The following COL6A5 variants were observed in gnomAD, a reference collection of about 807,000 sequenced individuals.
COL6A5 encodes collagen type VI alpha 5 chain.
A neutral mutation model predicts 65.6 loss-of-function variants in COL6A5; 48 were observed. The observed-to-expected ratio is 0.73, with a 90% CI of 0.58 to 0.93. The LOEUF (loss-of-function observed/expected upper bound fraction) is 0.93, where lower values mean the gene tolerates loss of function less well. Among genes scored for constraint, COL6A5 ranks in the 40% least tolerant of loss-of-function variants. The probability of loss-of-function intolerance (pLI) is 0.00; values close to 1 mark genes in which losing one functional copy is unlikely to be tolerated. For missense variants in COL6A5, 914 were observed against 928.3 expected (o/e 0.98, Z 0.20); for synonymous variants, 291 against 322.8 (o/e 0.90, Z 1.05).
chr3:130,403,344 T>C (rs1232012126), intron 12 of COL6A5, among the ~76,000 whole-genome samples: 1 of 152,160 alleles, frequency 6.6e-6, no homozygotes, highest in African/African-American at 2.4e-5. Context: ...TGTGGCTCTG[T>C]GGGTCTCATC....
At chr3:130,427,461 C>G (rs553841874), upstream of COL6A5, among the ~76,000 whole-genome samples, 52 of 152,178 alleles carry the variant, frequency 3.4e-4, no homozygotes, top group African/African-American at 1.2e-3. Context: ...GTCAGGCTAG[C>G]AGGGGAGAGG....
At chr3:130,367,946 A>C (rs1463985814) in intron 1 of COL6A5, among the ~76,000 whole-genome samples, 1 of 152,126 alleles carries the variant, frequency 6.6e-6, no homozygotes, top group Non-Finnish European at 1.5e-5. Flanking sequence ...GTGGCATTGG[A>C]ATGAAGTTTT....
At chr3:130,469,138 A>C in exon 6 of COL6A5, 1 of 1,613,090 alleles carries the variant, frequency 6.2e-7, no homozygotes, top group South Asian at 1.1e-5. Context: ...AAGACTCTCA[A>C]CAGCTCAATG....
Position 130,359,246 on chromosome 3 carries a change from A to G in COL6A5, c.-29+13265A>G, listed in dbSNP as rs868442187. Among the ~76,000 whole-genome samples, 10 of 152,208 alleles carry G rather than the reference A, an allele frequency of 6.6e-5. 1 individual carries two copies. The highest frequency in any genetic ancestry group is 4.6e-4 in the Admixed American group (7 of 15,282). ...TAAAATTTAAGAAACAATGCCAGGCAGAATAATAGAGATTATATAACAATA... is the reference window on the plus strand; with the variant it reads ...TAAAATTTAAGAAACAATGCCAGGCGGAATAATAGAGATTATATAACAATA... On this transcript the variant is annotated intron_variant and NMD_transcript_variant, in intron 1 of 41. Coordinates refer to the COL6A5 transcript ENST00000312481.
intron 4 of COL6A5, among the ~76,000 whole-genome samples, chr3:130,445,712 G>C (rs1011830161): frequency 6.6e-6 from 1 of 152,130 alleles, no homozygotes; most frequent in Admixed American, 6.5e-5. Flanking sequence ...TTAAGGGAAA[G>C]AATGAGCTGA....
chr3:130,347,556 G>A (rs940088738), intron 1 of COL6A5, among the ~76,000 whole-genome samples: 1 of 152,090 alleles, frequency 6.6e-6, no homozygotes, highest in Non-Finnish European at 1.5e-5. Flanking sequence ...ATAGCTACAT[G>A]CAGAAATTGT....
chr3:130,368,242 C>G (rs1171772100), intron 1 of COL6A5, among the ~76,000 whole-genome samples: 2 of 152,178 alleles, frequency 1.3e-5, no homozygotes, highest in African/African-American at 4.8e-5. Flanking sequence ...GAGTTTGCTT[C>G]CCATGCATAG....
At chr3:130,443,592 C>G (rs371108657) in intron 4 of COL6A5, 26 bp downstream of exon 36, 13 of 1,445,684 alleles carry the variant, frequency 9.0e-6, no homozygotes, top group Non-Finnish European at 1.2e-5. Context: ...CTTATATTTA[C>G]AAGTGACTGC....
chr3:130,379,391 A>G, intron 3 of COL6A5, 27 bp from the exon 4 acceptor site: 1 of 1,536,854 alleles, frequency 6.5e-7, no homozygotes, highest in Non-Finnish European at 8.8e-7. Context: ...GTTTATACTA[A>G]TCCTCACACA....
At chr3:130,354,020 AAAAG>A (rs1158748517) in intron 1 of COL6A5, among the ~76,000 whole-genome samples, 2 of 151,964 alleles carry the variant, frequency 1.3e-5, no homozygotes, top group Non-Finnish European at 2.9e-5. Context: ...ATAAGGGAAG[AAAAG>A]AAAGAGAGAA....
In COL6A5 at chr3:130,356,043, C is replaced by A. The variant is rs146750493; in HGVS notation, c.-29+10062C>A. ...GTAGTGCATACTTTTTTCTGCCCTC[C>A]TCTTCCTTTTTTTGCATCTTCTTTT... is the stretch of plus-strand genomic sequence containing the variant. On this transcript the variant is annotated intron_variant and NMD_transcript_variant, in intron 1 of 41. Transcript: ENST00000312481. 3.7e-3 allele frequency among the ~76,000 whole-genome samples: 569 copies of A among 152,180 alleles called. 6 individuals carry two copies. The highest frequency in any genetic ancestry group is 0.013 in the African/African-American group (540 of 41,548).
At chr3:130,425,817 C>T (rs1025040354) in intron 29 of COL6A5, among the ~76,000 whole-genome samples, 4 of 152,230 alleles carry the variant, frequency 2.6e-5, no homozygotes, top group Admixed American at 1.3e-4. Flanking sequence ...CTCTGAATTC[C>T]CAATAAATTA....
chr3:130,424,599 C>T (rs904983029), intron 29 of COL6A5, among the ~76,000 whole-genome samples: 3 of 152,028 alleles, frequency 2.0e-5, no homozygotes, highest in Non-Finnish European at 4.4e-5. Context: ...TTGTTTTGTG[C>T]ATTGTGAGTA....
At chr3:130,420,970 G>C (rs1389131310) in intron 25 of COL6A5, among the ~76,000 whole-genome samples, 183 bp from the exon 26 acceptor site, 1 of 151,998 alleles carries the variant, frequency 6.6e-6, no homozygotes, top group Non-Finnish European at 1.5e-5. Flanking sequence ...AGAAGTACAG[G>C]GAACATATCA....
intron 1 of COL6A5, among the ~76,000 whole-genome samples, chr3:130,370,167 A>C (rs1935501691): frequency 6.6e-6 from 1 of 152,176 alleles, no homozygotes; most frequent in African/African-American, 2.4e-5. Flanking sequence ...GGAGCCTTAG[A>C]GATGTGATTC....
chr3:130,412,961 A>G (rs1218202628), intron 20 of COL6A5, among the ~76,000 whole-genome samples: 8 of 152,176 alleles, frequency 5.3e-5, no homozygotes, highest in Non-Finnish European at 1.5e-5. Context: ...GTTTATCACA[A>G]CACTAAGTTA....
intron 1 of COL6A5, among the ~76,000 whole-genome samples, chr3:130,433,961 CT>C (rs1373729386): frequency 3.5e-5 from 5 of 144,870 alleles, no homozygotes; most frequent in Middle Eastern, 3.6e-3. Context: ...TTTATTTCTT[CT>C]AAAAAAAAAA....
At chr3:130,387,348 A>G (rs1936226989) in intron 5 of COL6A5, among the ~76,000 whole-genome samples, 2 of 152,140 alleles carry the variant, frequency 1.3e-5, no homozygotes, top group Non-Finnish European at 2.9e-5. Flanking sequence ...ATAGATATTC[A>G]GGGACATTAA....
At chr3:130,402,231 T>C (rs977693247) in intron 12 of COL6A5, among the ~76,000 whole-genome samples, 3 of 152,068 alleles carry the variant, frequency 2.0e-5, no homozygotes, top group African/African-American at 7.2e-5. Flanking sequence ...ACTTGATTGT[T>C]CAAGACCAGC....
Sources: gnomAD v4.1 joint callset for allele counts (sites outside exome capture counted in the v4.1 genomes callset) on GRCh38, gnomAD v4.1.1 for gene constraint, MANE v1.5 for transcripts, NCBI Gene and HGNC (gene_info 2026-07-23, HGNC 2026-07-21) for gene names.